GRIK1: variants seen among roughly 807,000 people sequenced by gnomAD.
GRIK1 encodes glutamate ionotropic receptor kainate type subunit 1, also known as glutamate receptor ionotropic, kainate 1.
In GRIK1, 69 loss-of-function variants were observed where a neutral mutation model predicts 105.7. The ratio of observed to expected loss-of-function variants is 0.65; its 90% CI spans 0.54 to 0.80. GRIK1 has a LOEUF of 0.80. Ranked by LOEUF, GRIK1 falls within the 30% of genes least tolerant of loss-of-function variation. GRIK1 has a pLI of 0.00. For synonymous variants in GRIK1, 438 were observed against 431.3 expected (o/e 1.02, Z -0.19); for missense variants, 1,109 against 1,167.3 (o/e 0.95, Z 0.73).
At chr21:29,857,195 C>T (rs2832454) in intron 1 of GRIK1, among the ~76,000 whole-genome samples, 11,351 of 152,164 alleles carry the variant, frequency 0.075, 447 homozygotes, top group African/African-American at 0.11. Flanking sequence ...GAGGTCAATG[C>T]GAAAGCTATC....
At chr21:29,893,429 A>G (rs1381716955) in intron 1 of GRIK1, among the ~76,000 whole-genome samples, 1 of 152,212 alleles carries the variant, frequency 6.6e-6, no homozygotes, top group African/African-American at 2.4e-5. Flanking sequence ...CTTGGGTTTA[A>G]TACCCAACTC....
chr21:29,877,120 T>C (rs2069219268), intron 1 of GRIK1, among the ~76,000 whole-genome samples: 1 of 152,180 alleles, frequency 6.6e-6, no homozygotes, highest in Non-Finnish European at 1.5e-5. Flanking sequence ...ATGACAAAGA[T>C]CAATATTTAT....
At chr21:29,838,910 G>A (rs1210842254) in intron 1 of GRIK1, among the ~76,000 whole-genome samples, 2 of 151,834 alleles carry the variant, frequency 1.3e-5, no homozygotes, top group Admixed American at 6.6e-5. Context: ...ATTGTATGAA[G>A]GAATCTGACA....
At chr21:29,659,391 C>G (rs1244350395) in intron 4 of GRIK1, among the ~76,000 whole-genome samples, 1 of 152,106 alleles carries the variant, frequency 6.6e-6, no homozygotes, top group Non-Finnish European at 1.5e-5. Context: ...TTAGTTAATT[C>G]TAATCTACAT....
intron 1 of GRIK1, among the ~76,000 whole-genome samples, chr21:29,814,044 A>G (rs2067083692): frequency 6.7e-6 from 1 of 148,488 alleles, no homozygotes; most frequent in African/African-American, 2.5e-5. Flanking sequence ...CCTCCTGAGT[A>G]GCTGGGATTA....
chr21:29,891,969 G>A lies in GRIK1; in HGVS notation c.118+47414C>T, dbSNP rs2069918545. Among the ~76,000 whole-genome samples, 4 of 152,166 alleles carry A rather than the reference G, an allele frequency of 2.6e-5. No homozygotes were observed. The South Asian group carries it at 8.3e-4, about 32-fold the overall frequency. ...TACATATCGTAGGTACTCAATCTGA[G>A]CATTAATTAGTAAATGAATGAATTA... On this transcript the variant is annotated intron_variant, in intron 1 of 17. Coordinates refer to ENST00000327783, the MANE Select transcript of GRIK1 (RefSeq NM_001330994.2).
intron 1 of GRIK1, among the ~76,000 whole-genome samples, chr21:29,886,037 G>C (rs1039421892): frequency 2.0e-5 from 3 of 152,028 alleles, no homozygotes; most frequent in Admixed American, 2.0e-4. Flanking sequence ...TCTTCCTATA[G>C]ATTTAGAATG....
chr21:29,722,302 A>T (rs930621909), intron 1 of GRIK1, among the ~76,000 whole-genome samples: 8 of 152,164 alleles, frequency 5.3e-5, no homozygotes, highest in African/African-American at 1.4e-4. Flanking sequence ...TAAAAAATTT[A>T]AAAAAGCACT....
chr21:29,777,626 G>A (rs1415223454), intron 1 of GRIK1, among the ~76,000 whole-genome samples: 1 of 152,150 alleles, frequency 6.6e-6, no homozygotes, highest in Non-Finnish European at 1.5e-5. Context: ...AGCAGGGAAC[G>A]AATATCTGGT....
At chr21:29,699,839 G>T (rs528931488) in intron 1 of GRIK1, among the ~76,000 whole-genome samples, 4 of 152,070 alleles carry the variant, frequency 2.6e-5, no homozygotes, top group African/African-American at 9.6e-5. Context: ...AGTACAGAGA[G>T]GGTTTCGGCA....
chr21:29,808,473 T>C (rs1479300521), intron 1 of GRIK1, among the ~76,000 whole-genome samples: 1 of 152,164 alleles, frequency 6.6e-6, no homozygotes, highest in Non-Finnish European at 1.5e-5. Flanking sequence ...TGGGAGATTA[T>C]TCCATTGCCA....
At chr21:29,709,592 TA>T (rs1044504137) in intron 1 of GRIK1, among the ~76,000 whole-genome samples, 5 of 152,104 alleles carry the variant, frequency 3.3e-5, no homozygotes, top group African/African-American at 9.7e-5. Flanking sequence ...TATGGGGAAA[TA>T]TTTTTTTAAA....
At chr21:29,700,768 T>C (rs2063797066) in intron 1 of GRIK1, among the ~76,000 whole-genome samples, 1 of 152,196 alleles carries the variant, frequency 6.6e-6, no homozygotes, top group South Asian at 2.1e-4. Flanking sequence ...ACTGATTCCA[T>C]CTGTCTCTAG....
At chr21:29,592,145 T>C (rs1007947987) in intron 9 of GRIK1, among the ~76,000 whole-genome samples, 4 of 152,212 alleles carry the variant, frequency 2.6e-5, no homozygotes, top group African/African-American at 9.6e-5. Flanking sequence ...CTATCTTCTT[T>C]GAGGAGCCAA....
intron 7 of GRIK1, among the ~76,000 whole-genome samples, chr21:29,628,272 A>G (rs1324448445): frequency 6.6e-6 from 1 of 152,250 alleles, no homozygotes; most frequent in Non-Finnish European, 1.5e-5. Flanking sequence ...CATAACCTTT[A>G]GACCACACAA....
At chr21:29,659,606 C>T (rs931449637) in intron 4 of GRIK1, among the ~76,000 whole-genome samples, 1 of 152,078 alleles carries the variant, frequency 6.6e-6, no homozygotes, top group African/African-American at 2.4e-5. Flanking sequence ...GTTCCAGTAG[C>T]TAAAAAATAA....
rs750011532 is a variant in GRIK1 at position 29,642,983 on chromosome 21, C to G, written c.955-14G>C. 2.5e-6 allele frequency: 4 copies of G among 1,609,548 alleles called. No individual in the cohort carries two copies. Among genetic ancestry groups the G allele is most frequent in the Non-Finnish European group, 3.4e-6 (4 of 1,176,968 alleles). ...AGCCGCTTCAGTCTGTGGAGGAAAA[C>G]ACACACCGCATCTTAAATTCCACTT... is the stretch of plus-strand genomic sequence containing the variant. On this transcript the variant is annotated splice_polypyrimidine_tract_variant and intron_variant, in intron 6 of 17. Transcript: ENST00000327783.
intron 1 of GRIK1, among the ~76,000 whole-genome samples, chr21:29,738,252 T>C (rs912168243): frequency 2.0e-5 from 3 of 152,204 alleles, no homozygotes; most frequent in African/African-American, 7.2e-5. Flanking sequence ...TTGTGTGGGG[T>C]GTGTATATGT....
At chr21:29,718,481 G>A (rs2064233522) in intron 1 of GRIK1, among the ~76,000 whole-genome samples, 1 of 152,108 alleles carries the variant, frequency 6.6e-6, no homozygotes, top group Non-Finnish European at 1.5e-5. Context: ...GTATCAAAAG[G>A]TATGAACCAG....
Sources: allele counts gnomAD v4.1 joint callset (sites outside exome capture counted in the v4.1 genomes callset), GRCh38; gene constraint gnomAD v4.1.1; transcripts MANE v1.5; gene names NCBI Gene and HGNC (gene_info 2026-07-23, HGNC 2026-07-21).